Variants in ZAR1 observed in about 807,000 individuals in gnomAD.
The protein encoded by ZAR1 is zygote arrest protein 1.
A neutral mutation model predicts 38.3 loss-of-function variants in ZAR1; 37 were observed. That is an observed-to-expected ratio of 0.97 (90% CI 0.74 to 1.27). ZAR1 has a LOEUF of 1.27. Among genes scored for constraint, ZAR1 ranks in the 50% most tolerant of loss-of-function variants. ZAR1 has a pLI of 0.00. For missense variants in ZAR1, 651 were observed against 632.4 expected, an observed-to-expected ratio of 1.03 and a Z score of -0.32; for synonymous variants, 336 against 292.0, an observed-to-expected ratio of 1.15 and a Z score of -1.53.
At chr4:48,494,782 G>A (rs987784463), downstream of ZAR1, among the ~76,000 whole-genome samples, 1 of 152,178 alleles carries the variant, frequency 6.6e-6, no homozygotes, top group African/African-American at 2.4e-5. Context: ...ACCGTTGGAG[G>A]TTAACGTTGA....
downstream of ZAR1, chr4:48,497,573 T>G (rs1718706983): frequency 6.6e-6 from 1 of 152,620 alleles, no homozygotes; most frequent in African/African-American, 2.4e-5. Context: ...AACCAACAGC[T>G]ACAATGCTTT....
intron 1 of ZAR1, 35 bp downstream of exon 1, chr4:48,491,289 C>A: frequency 8.2e-7 from 1 of 1,224,096 alleles, no homozygotes; most frequent in Non-Finnish European, 1.0e-6. Context: ...CAGGGGAGCC[C>A]GGGGGTGCGG....
Position 48,490,686 on chromosome 4 carries a change from G to A in ZAR1, c.395G>A (p.Arg132His). The change falls in exon 1 of 4, where the codon CGC becomes CAC. Residue 132 changes from arginine to histidine, a missense_variant. Arg to His is a conservative substitution (Grantham distance 29). Around this residue, in one of 2 missense-constraint regions of ZAR1, gnomAD observed 522 missense variants for 459.9 expected, o/e 1.14. Coordinates refer to ENST00000327939, the MANE Select transcript of ZAR1 (RefSeq NM_175619.3). ...LGRRTLQRRA[R>H]DPESPAGPGA... ...AGGCGCACGCTGCAGCGCCGGGCCC[G>A]CGACCCCGAGTCCCCGGCCGGCCCC... 3.0e-6 allele frequency: 4 copies of A among 1,314,316 alleles called. No individual in the cohort carries two copies. In the South Asian group the frequency reaches 6.4e-5, roughly 21 times the overall value. The allele number at this position is 1,314,316 out of a possible 1,614,324, so 81.4% of individuals were successfully genotyped here.
chr4:48,496,332 C>T (rs1718608958), downstream of ZAR1, among the ~76,000 whole-genome samples: 1 of 152,032 alleles, frequency 6.6e-6, no homozygotes, highest in African/African-American at 2.4e-5. Context: ...GGTAGGAAAC[C>T]TATTATTTGT....
downstream of ZAR1, chr4:48,494,497 C>T: frequency 2.2e-6 from 1 of 457,346 alleles, no homozygotes; most frequent in African/African-American, 2.0e-5. Context: ...TTGCTGATGG[C>T]ATAGAGTGGG....
In ZAR1 at chr4:48,491,065, C is replaced by T. The variant is rs923271859; in HGVS notation, c.774C>T (p.Asp258=). 25 of 1,312,692 alleles carry T rather than the reference C, an allele frequency of 1.9e-5. No individual in the cohort carries two copies. Among genetic ancestry groups the T allele is most frequent in the Non-Finnish European group, 2.2e-5 (23 of 1,035,392 alleles). The allele number at this position is 1,312,692 out of a possible 1,614,324, so 81.3% of individuals were successfully genotyped here. Residue 258 remains aspartate (D), a synonymous_variant, in exon 1 of 4, where the codon GAC becomes GAT. Coordinates refer to ENST00000327939, the MANE Select transcript of ZAR1 (RefSeq NM_175619.3). The part of the protein sequence containing the change: ...AVRASWEQPA[D]GPELPPREAQ... ...GAGCGAGCTGGGAGCAGCCGGCCGA[C>T]GGTCCCGAGCTGCCGCCGCGAGAGG...
At chr4:48,495,660 G>A (rs926609498), downstream of ZAR1, among the ~76,000 whole-genome samples, 13 of 152,306 alleles carry the variant, frequency 8.5e-5, no homozygotes, top group African/African-American at 2.9e-4. Flanking sequence ...TAAAACTGAG[G>A]TTCTGACCTG....
In ZAR1 at chr4:48,491,138, C is replaced by G. The variant is rs1718427034; in HGVS notation, c.847C>G (p.Gln283Glu). ...APRSALRSPG[Q>E]PPSAGRARDG... Reference sequence around the variant, plus strand: ...GCGGTCGGCGCTAAGGAGCCCGGGGCAACCTCCGTCGGCGGGGAGGGCCCG... The same window carrying G: ...GCGGTCGGCGCTAAGGAGCCCGGGGGAACCTCCGTCGGCGGGGAGGGCCCG... Residue 283 changes from glutamine to glutamate, a missense_variant, in exon 1 of 4, where the codon CAA becomes GAA. Gln to Glu is a conservative substitution (Grantham distance 29). Coordinates refer to ENST00000327939, the MANE Select transcript of ZAR1 (RefSeq NM_175619.3). 2.4e-6 allele frequency: 3 copies of G among 1,242,468 alleles called. No individual in the cohort carries two copies. The South Asian group carries it at 1.1e-4, about 46-fold the overall frequency. 77.0% of individuals were successfully genotyped at this position (1,242,468 alleles called of 1,614,324 possible). A position where few individuals can be genotyped will look rare whatever the true frequency, so the allele number is the denominator to read the frequency against.
At position 48,490,813 on chromosome 4, in the gene ZAR1, C is replaced by T; in HGVS notation, c.522C>T (p.Arg174=). The part of the protein sequence containing the change: ...SPQNGAPRPM[R]FPRTVAVYSP... The stretch of plus-strand genomic sequence containing the variant: ...AGAACGGCGCCCCGCGGCCCATGCG[C>T]TTCCCGCGCACCGTCGCCGTGTACT... The change falls in exon 1 of 4, where the codon CGC becomes CGT. Residue 174 remains arginine (R), a synonymous_variant. Coordinates refer to ENST00000327939, the MANE Select transcript of ZAR1 (RefSeq NM_175619.3). 9.3e-6 allele frequency: 14 copies of T among 1,509,014 alleles called. No individual in the cohort carries two copies. Among genetic ancestry groups the T allele is most frequent in the Non-Finnish European group, 1.1e-5 (13 of 1,136,830 alleles). 93.5% of individuals were successfully genotyped at this position (1,509,014 alleles called of 1,614,324 possible).
chr4:48,493,952 G>GT, intron 3 of ZAR1, 149 bp from the exon 4 acceptor site: 1 of 902,360 alleles, frequency 1.1e-6, no homozygotes, highest in East Asian at 2.7e-5. Flanking sequence ...TGCTACGTAG[G>GT]TAGGGATGTA....
chr4:48,497,183 G>C (rs567610947), downstream of ZAR1, among the ~76,000 whole-genome samples: 3 of 152,296 alleles, frequency 2.0e-5, no homozygotes, highest in East Asian at 5.8e-4. Flanking sequence ...AAAGAAAAAG[G>C]CTGTATGTAG....
At chr4:48,496,149 TA>T (rs945278767), downstream of ZAR1, among the ~76,000 whole-genome samples, 8 of 151,986 alleles carry the variant, frequency 5.3e-5, no homozygotes, top group Non-Finnish European at 8.8e-5. Flanking sequence ...GCATATAGAT[TA>T]AAAAATCACT....
intron 1 of ZAR1, among the ~76,000 whole-genome samples, chr4:48,491,561 C>T (rs1718444294): frequency 4.4e-5 from 4 of 91,278 alleles, no homozygotes; most frequent in Admixed American, 3.9e-4. Flanking sequence ...ATAGGCCAGC[C>T]CTGACCGCAC....
At position 48,490,575 on chromosome 4, in the gene ZAR1, G is replaced by C; in HGVS notation, c.284G>C (p.Gly95Ala). The change falls in exon 1 of 4, where the codon GGG (glycine) becomes GCG (alanine). Residue 95 changes from glycine (G) to alanine (A), a missense_variant. Gly to Ala is a moderately conservative substitution (Grantham distance 60). This residue lies in a region of ZAR1 where 522 missense variants were observed against 459.9 expected (regional missense o/e 1.14). Transcript: ENST00000327939. ...CTGGCGCAGGTGGGGCCGGGTCTCGGGCCGCGCGCCCGCAGGGCCGGCAGC... is the reference window on the plus strand; with the variant it reads ...CTGGCGCAGGTGGGGCCGGGTCTCGCGCCGCGCGCCCGCAGGGCCGGCAGC... ...ALLAQVGPGL[G>A]PRARRAGSCD... 1 of 1,398,546 alleles carries C rather than the reference G, an allele frequency of 7.2e-7. No homozygotes were observed. The allele number at this position is 1,398,546 out of a possible 1,614,324, so 86.6% of individuals were successfully genotyped here. A position where few individuals can be genotyped will look rare whatever the true frequency, so the allele number is the denominator to read the frequency against.
rs1368312321 is a variant in ZAR1, at chr4:48,491,223, C to T, written c.932C>T (p.Pro311Leu). The T allele has an allele frequency of 4.1e-6, 5 of 1,232,228 alleles. No homozygotes were observed. The East Asian group carries it at 9.5e-5, about 24-fold the overall frequency. 76.3% of individuals were successfully genotyped at this position (1,232,228 alleles called of 1,614,324 possible). The change falls in exon 1 of 4, where the codon CCG becomes CTG. Residue 311 changes from proline (P) to leucine (L), a missense_variant. By Grantham distance (98) the Pro-to-Leu change is moderately conservative. Around this residue, in one of 2 missense-constraint regions of ZAR1, gnomAD observed 129 missense variants for 172.5 expected, o/e 0.75. Transcript: ENST00000327939. ...VAGEGPSPRS[P>L]ELGKERLRFQ... ...GGAGAGGGGCCGTCGCCACGGAGCCCGGAGCTGGGCAAGGAGCGGCTGCGC... is the reference window on the plus strand; with the variant it reads ...GGAGAGGGGCCGTCGCCACGGAGCCTGGAGCTGGGCAAGGAGCGGCTGCGC...
At chr4:48,494,535 T>A, downstream of ZAR1, 1 of 366,262 alleles carries the variant, frequency 2.7e-6, no homozygotes, top group Non-Finnish European at 5.0e-6. Flanking sequence ...CTGCAGCCAC[T>A]TGGAAAACAA....
At position 48,490,384 on chromosome 4, in the gene ZAR1, G is replaced by A. The variant is rs1310329082; in HGVS notation, c.93G>A (p.Lys31=). 3 of 1,501,600 alleles carry A rather than the reference G, an allele frequency of 2.0e-6. No homozygotes were observed. The highest frequency in any genetic ancestry group is 2.7e-6 in the Non-Finnish European group (3 of 1,131,886). The allele number at this position is 1,501,600 out of a possible 1,614,324, so 93.0% of individuals were successfully genotyped here. The change falls in exon 1 of 4, where the codon AAG becomes AAA. Residue 31 remains lysine, a synonymous_variant. Coordinates refer to ENST00000327939, the MANE Select transcript of ZAR1 (RefSeq NM_175619.3). ...SYRYPYPAAT[K]GKGAAGGSWQ... ...GGTACCCATACCCCGCGGCCACCAA[G>A]GGCAAGGGCGCGGCGGGCGGCAGCT...
At chr4:48,491,846 C>T (rs900725781) in intron 1 of ZAR1, among the ~76,000 whole-genome samples, 2 of 152,244 alleles carry the variant, frequency 1.3e-5, no homozygotes, top group African/African-American at 4.8e-5. Flanking sequence ...ATTTGGACTG[C>T]TCAGTGTTGC....
In ZAR1 at chr4:48,490,867, C is replaced by T; in HGVS notation, c.576C>T (p.Ala192=). Residue 192 remains alanine (A), a synonymous_variant, in exon 1 of 4, where the codon GCC becomes GCT. Transcript: ENST00000327939. ...CCCTGGCCTTGCGCCGTCTCACCGC[C>T]TTCCTGGAGGGGCCCGGGCCCGCGG... ...YSPLALRRLT[A]FLEGPGPAAG... 6.9e-7 allele frequency: 1 copy of T among 1,457,018 alleles called. No homozygotes were observed. Among genetic ancestry groups the T allele is most frequent in the Non-Finnish European group, 9.0e-7 (1 of 1,109,300 alleles). The allele number at this position is 1,457,018 out of a possible 1,614,324, so 90.3% of individuals were successfully genotyped here.
Sources: gnomAD v4.1 joint callset for allele counts (sites outside exome capture counted in the v4.1 genomes callset) on GRCh38, gnomAD v4.1.1 for gene constraint, gnomAD v4.1.1 regional missense constraint, MANE v1.5 for transcripts, NCBI Gene and HGNC (gene_info 2026-07-23, HGNC 2026-07-21) for gene names.